SLC24A1: variants seen among roughly 807,000 people sequenced by gnomAD.
The protein encoded by SLC24A1 is solute carrier family 24 member 1, also known as sodium/potassium/calcium exchanger 1.
SLC24A1 carries 52 observed loss-of-function variants against 88.1 expected under a neutral mutation model. That is an observed-to-expected ratio of 0.59 (90% CI 0.47 to 0.74). The LOEUF (loss-of-function observed/expected upper bound fraction) is 0.74. Ranked by LOEUF, SLC24A1 falls within the 30% of genes least tolerant of loss-of-function variation. The probability of loss-of-function intolerance (pLI) is 0.00; values close to 1 mark genes in which losing one functional copy is unlikely to be tolerated. For synonymous variants in SLC24A1, 455 were observed against 498.0 expected (o/e 0.91, Z 1.15); for missense variants, 1,173 against 1,363.3 (o/e 0.86, Z 2.20).
chr15:65,624,066 A>T lies in SLC24A1; in HGVS notation c.-15A>T. ...AGAATGAGAGGCCTTCTGTAACCAG[A>T]TATAACTGGCCAGCATGGGGAAATT... On this transcript the variant is annotated 5_prime_UTR_variant, in exon 2 of 10. Coordinates refer to ENST00000261892, the MANE Select transcript of SLC24A1 (RefSeq NM_004727.3). The T allele has an allele frequency of 6.4e-7, 1 of 1,559,154 alleles. No homozygotes were observed. The highest frequency in any genetic ancestry group is 8.7e-7 in the Non-Finnish European group (1 of 1,155,966).
chr15:65,631,870 T>C (rs1480707085), intron 2 of SLC24A1, among the ~76,000 whole-genome samples: 1 of 152,138 alleles, frequency 6.6e-6, no homozygotes, highest in East Asian at 1.9e-4. Flanking sequence ...TCTCGCTCTG[T>C]TGCTAGGCTG....
At chr15:65,636,346 A>AG (rs1030969032) in intron 2 of SLC24A1, among the ~76,000 whole-genome samples, 100 of 152,332 alleles carry the variant, frequency 6.6e-4, no homozygotes, top group African/African-American at 2.4e-3. Flanking sequence ...GCATTTTGGA[A>AG]GGCAGAGGTG....
intron 2 of SLC24A1, among the ~76,000 whole-genome samples, chr15:65,633,834 G>A (rs1264833178): frequency 6.6e-6 from 1 of 152,262 alleles, no homozygotes; most frequent in East Asian, 1.9e-4. Context: ...GGTGACAGTG[G>A]GGCCCCCAGT....
At chr15:65,646,218 C>T (rs1412855064) in intron 6 of SLC24A1, among the ~76,000 whole-genome samples, 2 of 152,110 alleles carry the variant, frequency 1.3e-5, no homozygotes, top group South Asian at 4.2e-4. Flanking sequence ...GATTTCTTGT[C>T]TCCATGTTTT....
rs761343964 is a variant in SLC24A1, at chr15:65,625,511, C to T, written c.1431C>T (p.Phe477=). 3.1e-6 allele frequency: 5 copies of T among 1,613,918 alleles called. No homozygotes were observed. The highest frequency in any genetic ancestry group is 1.7e-5 in the Admixed American group (1 of 60,012). The change falls in exon 2 of 10, where the codon TTC becomes TTT. Residue 477 remains phenylalanine (F), a synonymous_variant. Coordinates refer to ENST00000261892, the MANE Select transcript of SLC24A1 (RefSeq NM_004727.3). ...TGGCCATTGTTTGCGACGAGTACTT[C>T]GTTCCAGCCCTGGGTGTCATCACAG... is the stretch of plus-strand genomic sequence containing the variant. ...VALAIVCDEY[F]VPALGVITDK...
chr15:65,655,838 T>C lies in SLC24A1; in HGVS notation c.*1759T>C. Reference sequence around the variant, plus strand: ...GGAAATAATTTTTATTAAATTTCAATAAACTGTGAATCCCAATGGTATTTT... The same window carrying C: ...GGAAATAATTTTTATTAAATTTCAACAAACTGTGAATCCCAATGGTATTTT... On this transcript the variant is annotated 3_prime_UTR_variant, in exon 10 of 10. Transcript: ENST00000261892. 1.0e-6 allele frequency: 1 copy of C among 984,840 alleles called. No homozygotes were observed. The highest frequency in any genetic ancestry group is 4.7e-5 in the South Asian group (1 of 21,272). 61.0% of individuals were successfully genotyped at this position (984,840 alleles called of 1,614,324 possible).
rs1440916067 is a variant in SLC24A1, at chr15:65,625,867, A to G, written c.1787A>G (p.Tyr596Cys). 4.3e-6 allele frequency: 7 copies of G among 1,613,946 alleles called. No individual in the cohort carries two copies. Among genetic ancestry groups the G allele is most frequent in the South Asian group, 1.1e-5 (1 of 91,082 alleles). The change falls in exon 2 of 10, where the codon TAT becomes TGT. Residue 596 changes from tyrosine to cysteine, a missense_variant. Tyr to Cys is a radical substitution (Grantham distance 194). Transcript: ENST00000261892. The part of the protein sequence containing the change: ...SLLLLLAYAF[Y>C]VFTMKWNKHI... ...CTGCTGCTGCTGGCCTATGCCTTCT[A>G]TGTGTTCACCATGAAGTGGAACAAG...
At position 65,656,102 on chromosome 15, in the gene SLC24A1, G is replaced by T; in HGVS notation, c.*2023G>T. The T allele has an allele frequency of 1.0e-6, 1 of 985,456 alleles. No homozygotes were observed. Among genetic ancestry groups the T allele is most frequent in the Non-Finnish European group, 1.2e-6 (1 of 829,956 alleles). The allele number at this position is 985,456 out of a possible 1,614,324, so 61.0% of individuals were successfully genotyped here. ...TCTGGGCACTAACCTGGTGTCTGCA[G>T]CCCGTTCCCGTTAGCCTCGGGGATG... On this transcript the variant is annotated 3_prime_UTR_variant, in exon 10 of 10. Transcript: ENST00000261892.
intron 7 of SLC24A1, among the ~76,000 whole-genome samples, chr15:65,651,212 T>C (rs2075493513): frequency 6.6e-6 from 1 of 152,132 alleles, no homozygotes; most frequent in Non-Finnish European, 1.5e-5. Context: ...GACTCCTATC[T>C]CAGTTTCTTG....
Position 65,624,730 on chromosome 15 carries a change from G to A in SLC24A1, c.650G>A (p.Arg217Lys), listed in dbSNP as rs756085069. ...TMETSHAITP[R>K]TTVKDSDITA... is the part of the protein sequence containing the mutation. ...GAAACAAGCCATGCGATCACCCCCAGGACAACAGTGAAAGACAGTGACATT... is the reference window on the plus strand; with the variant it reads ...GAAACAAGCCATGCGATCACCCCCAAGACAACAGTGAAAGACAGTGACATT... The change falls in exon 2 of 10, where the codon AGG (arginine) becomes AAG (lysine). Residue 217 changes from arginine to lysine, a missense_variant. Physicochemically the swap from Arg to Lys is conservative, Grantham distance 26. Transcript: ENST00000261892. 5 of 1,612,590 alleles carry A rather than the reference G, an allele frequency of 3.1e-6. No individual in the cohort carries two copies. In the South Asian group the frequency reaches 5.5e-5, roughly 18 times the overall value.
At position 65,654,336 on chromosome 15, in the gene SLC24A1, G is replaced by T; in HGVS notation, c.*257G>T. On this transcript the variant is annotated 3_prime_UTR_variant, in exon 10 of 10. Coordinates refer to ENST00000261892, the MANE Select transcript of SLC24A1 (RefSeq NM_004727.3). ...TGCAGACATCTATTACATGGAGGCA[G>T]TAGAAGGACCCCTGGAGCCAGAGGG... The T allele has an allele frequency of 7.8e-7, 1 of 1,277,882 alleles. No homozygotes were observed. Among genetic ancestry groups the T allele is most frequent in the Non-Finnish European group, 9.9e-7 (1 of 1,011,780 alleles). The allele number at this position is 1,277,882 out of a possible 1,614,324, so 79.2% of individuals were successfully genotyped here. A position where few individuals can be genotyped will look rare whatever the true frequency, so the allele number is the denominator to read the frequency against.
chr15:65,654,697 C>T lies in SLC24A1; in HGVS notation c.*618C>T, dbSNP rs1217531829. 2.4e-6 allele frequency: 3 copies of T among 1,272,260 alleles called. No individual in the cohort carries two copies. Among genetic ancestry groups the T allele is most frequent in the Non-Finnish European group, 3.1e-6 (3 of 982,174 alleles). The allele number at this position is 1,272,260 out of a possible 1,614,324, so 78.8% of individuals were successfully genotyped here. A position where few individuals can be genotyped will look rare whatever the true frequency, so the allele number is the denominator to read the frequency against. ...GTAGCCCACTGCATCTGGATATATA[C>T]CAGTATTTTCTTTTTTTTTTTTTTT... On this transcript the variant is annotated 3_prime_UTR_variant, in exon 10 of 10. Transcript: ENST00000261892.
At chr15:65,626,559 T>C (rs1489543363) in intron 2 of SLC24A1, among the ~76,000 whole-genome samples, 3 of 152,178 alleles carry the variant, frequency 2.0e-5, no homozygotes, top group African/African-American at 7.2e-5. Context: ...ATGGGAGCTC[T>C]ACTCACCCAC....
Position 65,625,306 on chromosome 15 carries a change from C to T in SLC24A1, c.1226C>T (p.Pro409Leu), listed in dbSNP as rs202035723. Reference protein sequence around the residue: ...PTPAMLTTPSPSLTTALLPEE... With the variant: ...PTPAMLTTPSLSLTTALLPEE... The stretch of plus-strand genomic sequence containing the variant: ...CCAGCCATGCTCACCACTCCCTCCC[C>T]AAGCCTCACAACAGCCCTGCTCCCA... Residue 409 changes from proline (P) to leucine (L), a missense_variant, in exon 2 of 10, where the codon CCA becomes CTA. Coordinates refer to ENST00000261892, the MANE Select transcript of SLC24A1 (RefSeq NM_004727.3). 1.3e-4 allele frequency: 203 copies of T among 1,614,024 alleles called. No homozygotes were observed. In the African/African-American group the frequency reaches 2.2e-3, roughly 18 times the overall value.
chr15:65,650,999 C>G lies in SLC24A1; in HGVS notation c.2793+57C>G. Reference sequence around the variant, plus strand: ...TATCCCCAGCAGGGCTGTGGGGTCTCTCGGCATGCGGGGCTCACACTCAAG... The same window carrying G: ...TATCCCCAGCAGGGCTGTGGGGTCTGTCGGCATGCGGGGCTCACACTCAAG... On this transcript the variant is annotated intron_variant, in intron 7 of 9. Coordinates refer to ENST00000261892, the MANE Select transcript of SLC24A1 (RefSeq NM_004727.3). This position sits in a 1 kb window ranked among gnomAD's most constrained non-coding sequence, Gnocchi z 4.1. The G allele has an allele frequency of 8.2e-6, 12 of 1,468,560 alleles. No homozygotes were observed. Among genetic ancestry groups the G allele is most frequent in the Non-Finnish European group, 1.1e-5 (12 of 1,048,140 alleles). The allele number at this position is 1,468,560 out of a possible 1,614,324, so 91.0% of individuals were successfully genotyped here. A position where few individuals can be genotyped will look rare whatever the true frequency, so the allele number is the denominator to read the frequency against.
rs1364364404 is a variant in SLC24A1 at position 65,644,408 on chromosome 15, T to C, written c.2054-19T>C. 6.5e-7 allele frequency: 1 copy of C among 1,535,124 alleles called. No individual in the cohort carries two copies. Among genetic ancestry groups the C allele is most frequent in the Non-Finnish European group, 8.9e-7 (1 of 1,125,532 alleles). ...ATCCTACAATTCCAGGTAAGATGTA[T>C]GTCCTGTCTCATTTGCAGTTCGCCT... On this transcript the variant is annotated intron_variant, in intron 4 of 9. Transcript: ENST00000261892.
At chr15:65,656,993 C>A (rs1168176274), downstream of SLC24A1, among the ~76,000 whole-genome samples, 2 of 152,178 alleles carry the variant, frequency 1.3e-5, no homozygotes, top group Non-Finnish European at 2.9e-5. Context: ...CCTCAGCCCC[C>A]CAAGTAGCTG....
chr15:65,614,472 C>G (rs1310165951), intron 2 of SLC24A1, among the ~76,000 whole-genome samples: 3 of 152,156 alleles, frequency 2.0e-5, no homozygotes, highest in African/African-American at 7.2e-5. Flanking sequence ...CAAGTAAGAT[C>G]CAGATATTGA....
chr15:65,648,424 G>T (rs1383956995), intron 6 of SLC24A1, among the ~76,000 whole-genome samples: 2 of 152,096 alleles, frequency 1.3e-5, no homozygotes, highest in Non-Finnish European at 2.9e-5. Flanking sequence ...CCAGCATATT[G>T]CTACAGGTTA....
Sources: allele counts gnomAD v4.1 joint callset (sites outside exome capture counted in the v4.1 genomes callset), GRCh38; gene constraint gnomAD v4.1.1; non-coding constraint Gnocchi (gnomAD v3.1); transcripts MANE v1.5; gene names NCBI Gene and HGNC (gene_info 2026-07-23, HGNC 2026-07-21).